PCDHA10: variants seen among roughly 807,000 people sequenced by gnomAD.
The protein encoded by PCDHA10 is protocadherin alpha 10.
A neutral mutation model predicts 61.2 loss-of-function variants in PCDHA10; 45 were observed. The ratio of observed to expected loss-of-function variants is 0.74; its 90% confidence interval spans 0.58 to 0.94. PCDHA10 has a LOEUF of 0.94. Among genes scored for constraint, PCDHA10 ranks in the 40% least tolerant of loss-of-function variants. The probability of loss-of-function intolerance (pLI) is 0.00; values close to 1 mark genes in which losing one functional copy is unlikely to be tolerated. For synonymous variants in PCDHA10, 602 were observed against 548.8 expected (o/e 1.10, Z -1.35); for missense variants, 1,278 against 1,236.2 (o/e 1.03, Z -0.51).
chr5:140,992,377 A>T (rs1258714441), intron 3 of PCDHA10, among the ~76,000 whole-genome samples: 1 of 152,150 alleles, frequency 6.6e-6, no homozygotes, highest in African/African-American at 2.4e-5. Flanking sequence ...CCATTACATT[A>T]TTGTGTTCTG....
In PCDHA10 at chr5:140,858,227, G is replaced by C. The variant is rs782000026; in HGVS notation, c.2179G>C (p.Glu727Gln). 1 of 1,596,486 alleles carries C rather than the reference G, an allele frequency of 6.3e-7. No homozygotes were observed. Residue 727 changes from glutamate (E) to glutamine (Q), a missense_variant, in exon 1 of 4, where the codon GAG (glutamate) becomes CAG (glutamine). By Grantham distance (29) the Glu-to-Gln change is conservative. Coordinates refer to ENST00000307360, the MANE Select transcript of PCDHA10 (RefSeq NM_018901.4). ...ACTGAGGTGCTCGGCGGCGCCCACC[G>C]AGGGCGCATGTGGGCCGGTGAAGCC... ...TALRCSAAPTEGACGPVKPTL... is the reference protein window; with the variant it reads ...TALRCSAAPTQGACGPVKPTL...
chr5:140,861,442 G>T (rs251368), intron 1 of PCDHA10: 232,262 of 488,424 alleles, frequency 0.48, 56,771 homozygotes, highest in South Asian at 0.56. Context: ...TCCAAAAGCC[G>T]CAGAAACCTT....
chr5:140,906,303 A>G (rs1195275228), intron 1 of PCDHA10, among the ~76,000 whole-genome samples: 5 of 152,220 alleles, frequency 3.3e-5, no homozygotes, highest in Non-Finnish European at 7.3e-5. Flanking sequence ...ATAAGGTCAT[A>G]ATTATTCCCA....
At chr5:140,967,390 G>C (rs2096135950) in intron 1 of PCDHA10, 1 of 1,609,870 alleles carries the variant, frequency 6.2e-7, no homozygotes, top group African/African-American at 1.3e-5. Context: ...AAGTGCTTGA[G>C]CTGGTGCTGC....
intron 3 of PCDHA10, among the ~76,000 whole-genome samples, chr5:140,985,631 T>C (rs551279134): frequency 1.2e-4 from 18 of 152,250 alleles, no homozygotes; most frequent in Admixed American, 1.2e-3. Flanking sequence ...GTATTGCTCT[T>C]CTCATCCCAA....
Position 140,961,453 on chromosome 5 carries a change from C to A in PCDHA10, c.2389-17496C>A, listed in dbSNP as rs138800149. On this transcript the variant is annotated intron_variant, in intron 1 of 3. Transcript: ENST00000307360. ...AAAATCACCTAACTACACTGTCTTG[C>A]AGCTGCCTTTCTTTTTTTGTCTTGT... Among the ~76,000 whole-genome samples the A allele has an allele frequency of 2.6e-3, 401 of 152,318 alleles. 1 individual carries two copies. The highest frequency in any genetic ancestry group is 9.2e-3 in the African/African-American group (384 of 41,574).
chr5:140,933,276 G>T (rs1392004837), intron 1 of PCDHA10, among the ~76,000 whole-genome samples: 2 of 151,892 alleles, frequency 1.3e-5, no homozygotes, highest in Non-Finnish European at 2.9e-5. Context: ...TATTCATTTG[G>T]AACTTGTTTT....
intron 1 of PCDHA10, chr5:140,882,561 G>T (rs2059195927): frequency 1.2e-6 from 2 of 1,614,222 alleles, no homozygotes; most frequent in East Asian, 4.5e-5. Context: ...CTGTGTGGGC[G>T]GAGCGCGGAG....
intron 1 of PCDHA10, among the ~76,000 whole-genome samples, chr5:140,955,186 G>A (rs246020): frequency 0.56 from 85,667 of 151,968 alleles, 24,773 homozygotes; most frequent in African/African-American, 0.69. Flanking sequence ...GTTTTGTGGT[G>A]TATATGAAGT....
intron 1 of PCDHA10, among the ~76,000 whole-genome samples, chr5:140,904,764 A>G (rs1354356510): frequency 2.0e-5 from 3 of 152,240 alleles, no homozygotes; most frequent in African/African-American, 4.8e-5. Context: ...CAAGAATAAG[A>G]TGGTATCACA....
chr5:140,905,611 T>A (rs1396340503), intron 1 of PCDHA10, among the ~76,000 whole-genome samples: 1 of 152,224 alleles, frequency 6.6e-6, no homozygotes, highest in African/African-American at 2.4e-5. Flanking sequence ...ATTGAATCTA[T>A]AGATTGCTTT....
intron 1 of PCDHA10, chr5:140,877,987 C>T: frequency 3.5e-6 from 4 of 1,151,316 alleles, no homozygotes; most frequent in Non-Finnish European, 4.6e-6. Context: ...TCATTTTGAA[C>T]TTTTATGTAT....
chr5:140,935,566 T>A (rs2090441028), intron 1 of PCDHA10, among the ~76,000 whole-genome samples: 1 of 152,246 alleles, frequency 6.6e-6, no homozygotes, highest in Non-Finnish European at 1.5e-5. Context: ...AAAGTTCCTC[T>A]CTGTGTAGTT....
intron 3 of PCDHA10, among the ~76,000 whole-genome samples, chr5:140,999,024 T>C (rs17119348): frequency 0.023 from 3,497 of 152,332 alleles, 138 homozygotes; most frequent in African/African-American, 0.08. Context: ...CCAAGACTTT[T>C]GATACTTCGT....
At chr5:140,950,343 A>C (rs1169343189) in intron 1 of PCDHA10, among the ~76,000 whole-genome samples, 9 of 151,988 alleles carry the variant, frequency 5.9e-5, no homozygotes, top group African/African-American at 2.2e-4. Context: ...GATTTATCTT[A>C]GTTTTCCTTT....
chr5:140,868,974 C>T (rs2050775096), intron 1 of PCDHA10: 4 of 1,471,768 alleles, frequency 2.7e-6, no homozygotes, highest in South Asian at 1.4e-5. Flanking sequence ...GGAACTCCAT[C>T]ATACCGGATG....
intron 1 of PCDHA10, chr5:140,869,067 G>T (rs1220928735): frequency 6.4e-7 from 1 of 1,570,438 alleles, no homozygotes; most frequent in Non-Finnish European, 8.6e-7. Flanking sequence ...TACTGTAAGT[G>T]TAAAGAAGCT....
intron 1 of PCDHA10, chr5:140,926,797 T>G: frequency 2.1e-6 from 3 of 1,450,476 alleles, no homozygotes; most frequent in Non-Finnish European, 1.8e-6. Flanking sequence ...AGGAGCGTGC[T>G]CTTCCCCGCG....
chr5:140,876,378 T>A, intron 1 of PCDHA10: 1 of 1,613,948 alleles, frequency 6.2e-7, no homozygotes, highest in Non-Finnish European at 8.5e-7. Context: ...CAGGTGAAAT[T>A]AGAATTTATG....
Sources: allele counts gnomAD v4.1 joint callset (sites outside exome capture counted in the v4.1 genomes callset), GRCh38; gene constraint gnomAD v4.1.1; transcripts MANE v1.5; gene names NCBI Gene and HGNC (gene_info 2026-07-23, HGNC 2026-07-21).